The following BRWD3 variants were observed in gnomAD, a reference collection of about 807,000 sequenced individuals.
BRWD3 encodes the protein bromodomain and WD repeat domain containing 3, also known as bromodomain and WD repeat-containing protein 3.
A neutral mutation model predicts 149.7 loss-of-function variants in BRWD3; 10 were observed. The ratio of observed to expected loss-of-function variants is 0.07; its 90% confidence interval spans 0.04 to 0.11. The LOEUF (loss-of-function observed/expected upper bound fraction) is 0.11, where lower values mean the gene tolerates loss of function less well. BRWD3 is among the 10% of genes least tolerant of loss of function. The pLI, the probability that BRWD3 is intolerant of heterozygous loss-of-function variation, is 1.00. For missense variants in BRWD3, 940 were observed against 1,373.2 expected (o/e 0.68, Z 4.99); for synonymous variants, 504 against 456.7 (o/e 1.10, Z -1.32).
chrX:80,749,110 T>C (rs76524485), intron 6 of BRWD3, among the ~76,000 whole-genome samples: 2 of 112,305 alleles, frequency 1.8e-5, no homozygotes, highest in Admixed American at 1.9e-4. Context: ...TTGCTTTGTG[T>C]CCTAAAATAC....
intron 4 of BRWD3, among the ~76,000 whole-genome samples, chrX:80,805,693 T>C (rs908153509): frequency 8.0e-5 from 9 of 112,110 alleles, no homozygotes; most frequent in Non-Finnish European, 1.3e-4. Flanking sequence ...CCCAGCACTT[T>C]GGGAGGCTGA....
chrX:80,705,991 C>T (rs182258070), intron 22 of BRWD3, among the ~76,000 whole-genome samples: 447 of 112,241 alleles, frequency 4.0e-3, no homozygotes, highest in African/African-American at 0.014. Flanking sequence ...TTTCTTTCTT[C>T]AACAAGAAAT....
chrX:80,767,360 C>G (rs2073875225), intron 6 of BRWD3, among the ~76,000 whole-genome samples: 1 of 111,703 alleles, frequency 9.0e-6, no homozygotes, highest in Non-Finnish European at 1.9e-5. Context: ...GAAGAAGTAT[C>G]AGGCAGCAAT....
intron 24 of BRWD3, among the ~76,000 whole-genome samples, chrX:80,700,433 G>GATATATATAT (rs748889698): frequency 1.2e-3 from 64 of 55,615 alleles, no homozygotes; most frequent in Admixed American, 6.1e-3. Flanking sequence ...GAAAATATTT[G>GATATATATAT]ATATATATAA....
Position 80,737,313 on chromosome X carries a change from C to G in BRWD3, c.814-1225G>C, listed in dbSNP as rs987493506. 4.5e-5 allele frequency among the ~76,000 whole-genome samples: 5 copies of G among 111,413 alleles called. No individual in the cohort carries two copies. The East Asian group carries it at 1.4e-3, about 31-fold the overall frequency. On this transcript the variant is annotated intron_variant, in intron 8 of 40. Transcript: ENST00000373275. ...CTGTATACTTTAAATTAAATCATCT[C>G]TAGATTACTGATAATACCTAATACA...
At position 80,793,712 on chromosome X, in the gene BRWD3, G is replaced by A; in HGVS notation, c.241C>T (p.Pro81Ser). The change falls in exon 5 of 41, where the codon CCT (proline) becomes TCT (serine). Residue 81 changes from proline (P) to serine (S), a missense_variant. Physicochemically the swap from Pro to Ser is moderately conservative, Grantham distance 74 (BLOSUM62 -1). Around this residue, in one of 6 missense-constraint regions of BRWD3, gnomAD observed 105 missense variants for 127.7 expected, o/e 0.82. Coordinates refer to ENST00000373275, the MANE Select transcript of BRWD3 (RefSeq NM_153252.5). The part of the protein sequence containing the change: ...YLLKICERIG[P>S]LLDKEIPQSV... ...TGAGGGATCTCTTTATCTAGTAAAG[G>A]ACCAATTCTCTCACAAATTTTAAGG... 8.3e-7 allele frequency: 1 copy of A among 1,206,734 alleles called. No individual in the cohort carries two copies. Among genetic ancestry groups the A allele is most frequent in the Non-Finnish European group, 1.1e-6 (1 of 891,211 alleles).
intron 4 of BRWD3, among the ~76,000 whole-genome samples, chrX:80,806,155 T>C (rs759812824): frequency 4.5e-5 from 5 of 111,251 alleles, no homozygotes; most frequent in African/African-American, 6.5e-5. Flanking sequence ...AAGAAGTCCA[T>C]AGGTAGAGAA....
At chrX:80,720,666 A>C (rs1165973521) in intron 17 of BRWD3, among the ~76,000 whole-genome samples, 1 of 111,882 alleles carries the variant, frequency 8.9e-6, no homozygotes, top group Non-Finnish European at 1.9e-5. Context: ...GTGTAGCCTA[A>C]GTGTACAGTG....
At chrX:80,765,547 C>T (rs1366304040) in intron 6 of BRWD3, among the ~76,000 whole-genome samples, 3 of 111,755 alleles carry the variant, frequency 2.7e-5, no homozygotes, top group African/African-American at 9.7e-5. Context: ...CCAACTACAA[C>T]CATGTGACCA....
At chrX:80,755,528 T>A (rs1194454591) in intron 6 of BRWD3, among the ~76,000 whole-genome samples, 1 of 111,746 alleles carries the variant, frequency 8.9e-6, no homozygotes, top group Non-Finnish European at 1.9e-5. Context: ...ACACCTCTAT[T>A]TCTAAAAGCA....
intron 6 of BRWD3, among the ~76,000 whole-genome samples, chrX:80,782,286 G>A (rs2074064819): frequency 9.0e-6 from 1 of 111,699 alleles, no homozygotes; most frequent in South Asian, 3.7e-4. Flanking sequence ...AATGGTGCTA[G>A]GAAAATTGGA....
chrX:80,809,067 T>G (rs1254995254), intron 2 of BRWD3, 25 bp from the exon 3 acceptor site: 1 of 1,179,552 alleles, frequency 8.5e-7, no homozygotes, highest in Non-Finnish European at 1.1e-6. Context: ...AACACAGATA[T>G]GAGGAGCAGC....
intron 34 of BRWD3, among the ~76,000 whole-genome samples, chrX:80,687,348 G>A (rs1262376352): frequency 9.0e-6 from 1 of 111,194 alleles, no homozygotes; most frequent in Non-Finnish European, 1.9e-5. Flanking sequence ...ACTTGACAAT[G>A]GCATCATATT....
intron 20 of BRWD3, among the ~76,000 whole-genome samples, chrX:80,711,160 A>G (rs2072960096): frequency 8.9e-6 from 1 of 111,790 alleles, no homozygotes; most frequent in African/African-American, 3.3e-5. Flanking sequence ...AATCTAGAAA[A>G]CTTTTTTAAA....
At chrX:80,723,500 A>G in intron 16 of BRWD3, among the ~76,000 whole-genome samples, 1 of 110,632 alleles carries the variant, frequency 9.0e-6, no homozygotes, top group Non-Finnish European at 1.9e-5. Flanking sequence ...AATATACGCA[A>G]AAGGATTTCC....
chrX:80,721,432 C>A (rs1228103184), intron 17 of BRWD3, among the ~76,000 whole-genome samples: 1 of 111,748 alleles, frequency 8.9e-6, no homozygotes, highest in Non-Finnish European at 1.9e-5. Context: ...TGCTCTACAA[C>A]CTTTATGAGC....
At chrX:80,739,186 T>C (rs1254986930) in intron 8 of BRWD3, among the ~76,000 whole-genome samples, 2 of 111,471 alleles carry the variant, frequency 1.8e-5, no homozygotes, top group African/African-American at 6.5e-5. Context: ...AGATACACTT[T>C]GATGGTAGAA....
At chrX:80,681,254 G>T in intron 40 of BRWD3, 87 bp downstream of exon 40, 1 of 988,298 alleles carries the variant, frequency 1.0e-6, no homozygotes, top group Non-Finnish European at 1.4e-6. Flanking sequence ...CTAGTTTTTA[G>T]TATGTCAACA....
rs941400265 is a variant in BRWD3, at chrX:80,675,466, C to T, written c.*1143G>A. 2 of 111,905 alleles carry T rather than the reference C, an allele frequency of 1.8e-5. No individual in the cohort carries two copies. The highest frequency in any genetic ancestry group is 3.8e-5 in the Non-Finnish European group (2 of 53,086). The allele number at this position is 111,905 out of a possible 1,213,427, so 9.2% of individuals were successfully genotyped here. On this transcript the variant is annotated 3_prime_UTR_variant, in exon 41 of 41. Transcript: ENST00000373275. ...ATAAGCAGTAGCCCAAGTCTACTTACACAAATATGTTCTAAGAAAGCCTAA... is the reference window on the plus strand; with the variant it reads ...ATAAGCAGTAGCCCAAGTCTACTTATACAAATATGTTCTAAGAAAGCCTAA...
Sources: gnomAD v4.1 joint callset for allele counts (sites outside exome capture counted in the v4.1 genomes callset) on GRCh38, gnomAD v4.1.1 for gene constraint, gnomAD v4.1.1 regional missense constraint, MANE v1.5 for transcripts, NCBI Gene and HGNC (gene_info 2026-07-23, HGNC 2026-07-21) for gene names.